Variants in POFUT3 observed in about 807,000 individuals in gnomAD.
The protein encoded by POFUT3 is GDP-fucose protein O-fucosyltransferase 3.
the POFUT3 span, among the ~76,000 whole-genome samples, chr8:33,363,706 C>A: frequency 6.6e-6 from 1 of 152,124 alleles, no homozygotes; most frequent in Admixed American, 6.5e-5. Context: ...TACACCCTCC[C>A]AAGACTAAAC....
At chr8:33,427,797 CCAAAGCAAG>C in the POFUT3 span, among the ~76,000 whole-genome samples, 1 of 152,084 alleles carries the variant, frequency 6.6e-6, no homozygotes, top group Non-Finnish European at 1.5e-5. Flanking sequence ...AAAGCTATCC[CCAAAGCAAG>C]CTTTGGGGTT....
the POFUT3 span, chr8:33,372,543 G>T: frequency 1.9e-5 from 30 of 1,600,254 alleles, no homozygotes; most frequent in Non-Finnish European, 2.6e-5. Context: ...CCTCAAGAAG[G>T]CTCTAGTCTG....
At chr8:33,308,158 G>A in the POFUT3 span, among the ~76,000 whole-genome samples, 1 of 152,184 alleles carries the variant, frequency 6.6e-6, no homozygotes. Flanking sequence ...GTTATACTAT[G>A]TGTGAAGTGG....
At chr8:33,343,474 T>C in the POFUT3 span, among the ~76,000 whole-genome samples, 1 of 152,332 alleles carries the variant, frequency 6.6e-6, no homozygotes, top group African/African-American at 2.4e-5. Flanking sequence ...CAATCCTAAA[T>C]TGAAATGTAC....
chr8:33,354,317 C>T, the POFUT3 span, among the ~76,000 whole-genome samples: 30 of 152,126 alleles, frequency 2.0e-4, no homozygotes, highest in African/African-American at 5.5e-4. Context: ...ATCTGGAGAA[C>T]GAGGAGGGTT....
chr8:33,410,782 T>C, the POFUT3 span, among the ~76,000 whole-genome samples: 1 of 152,126 alleles, frequency 6.6e-6, no homozygotes, highest in Non-Finnish European at 1.5e-5. Flanking sequence ...TCTGATGGTT[T>C]GTAATGAAGT....
chr8:33,341,022 G>C, the POFUT3 span, among the ~76,000 whole-genome samples: 13 of 152,008 alleles, frequency 8.6e-5, no homozygotes, highest in Non-Finnish European at 1.0e-4. Flanking sequence ...TATATACCAA[G>C]ATAGGCCATA....
At chr8:33,381,463 G>T in the POFUT3 span, among the ~76,000 whole-genome samples, 1 of 151,986 alleles carries the variant, frequency 6.6e-6, no homozygotes. Context: ...CTGACATCAT[G>T]ATACAGGAAG....
At chr8:33,308,300 A>C in the POFUT3 span, among the ~76,000 whole-genome samples, 1 of 152,242 alleles carries the variant, frequency 6.6e-6, no homozygotes, top group Non-Finnish European at 1.5e-5. Flanking sequence ...ATTGAATCAT[A>C]AAAATTAATC....
At chr8:33,308,532 G>C in the POFUT3 span, among the ~76,000 whole-genome samples, 5 of 152,236 alleles carry the variant, frequency 3.3e-5, 1 homozygote, top group South Asian at 1.0e-3. Flanking sequence ...CTTTTTACCA[G>C]AGATCACTGT....
At chr8:33,376,248 C>A in the POFUT3 span, among the ~76,000 whole-genome samples, 16 of 151,542 alleles carry the variant, frequency 1.1e-4, no homozygotes, top group African/African-American at 3.6e-4. Flanking sequence ...GAAGACAATC[C>A]ATTATGTGTC....
the POFUT3 span, among the ~76,000 whole-genome samples, chr8:33,368,884 G>A: frequency 6.6e-6 from 1 of 152,178 alleles, no homozygotes; most frequent in African/African-American, 2.4e-5. Flanking sequence ...GGAAGAGTCA[G>A]AGAATAATTT....
At chr8:33,335,904 G>T in the POFUT3 span, among the ~76,000 whole-genome samples, 1 of 152,094 alleles carries the variant, frequency 6.6e-6, no homozygotes, top group Admixed American at 6.5e-5. Flanking sequence ...AGAGGGGTTG[G>T]TCTTGCTATA....
chr8:33,423,601 T>C, the POFUT3 span, among the ~76,000 whole-genome samples: 2 of 152,068 alleles, frequency 1.3e-5, no homozygotes, highest in African/African-American at 4.8e-5. Context: ...CTCACAGGCA[T>C]GCCATATAGA....
At chr8:33,308,124 C>T in the POFUT3 span, among the ~76,000 whole-genome samples, 3 of 152,104 alleles carry the variant, frequency 2.0e-5, no homozygotes, top group East Asian at 3.9e-4. Flanking sequence ...AACATGAAAG[C>T]TGGAAAGGAA....
the POFUT3 span, among the ~76,000 whole-genome samples, chr8:33,342,109 G>C: frequency 6.6e-6 from 1 of 152,104 alleles, no homozygotes; most frequent in Non-Finnish European, 1.5e-5. Flanking sequence ...GAACCCGGGA[G>C]GTGGAGGCTG....
the POFUT3 span, among the ~76,000 whole-genome samples, chr8:33,370,336 T>C: frequency 1.8e-4 from 27 of 152,074 alleles, no homozygotes; most frequent in East Asian, 3.1e-3. Flanking sequence ...GCCTAGGTGA[T>C]AGAGCAAGAC....
the POFUT3 span, chr8:33,453,499 C>T: frequency 2.5e-6 from 4 of 1,607,232 alleles, no homozygotes; most frequent in Non-Finnish European, 3.4e-6. Flanking sequence ...ACTTCCCCAG[C>T]TCAACCATGA....
At chr8:33,380,078 C>G in the POFUT3 span, among the ~76,000 whole-genome samples, 1 of 48,140 alleles carries the variant, frequency 2.1e-5, no homozygotes, top group African/African-American at 1.7e-4. Flanking sequence ...TATATATACA[C>G]TATATATACT....
Sources: allele counts gnomAD v4.1 joint callset (sites outside exome capture counted in the v4.1 genomes callset), GRCh38; gene constraint gnomAD v4.1.1; transcripts MANE v1.5; gene names NCBI Gene and HGNC (gene_info 2026-07-23, HGNC 2026-07-21).